The following XPO1 variants were observed in gnomAD, a reference collection of about 807,000 sequenced individuals.
XPO1 encodes exportin 1.
Under a neutral mutation model 133.3 loss-of-function variants are expected in XPO1, and 5 were observed. The observed-to-expected ratio is 0.04, with a 90% CI of 0.02 to 0.08. The LOEUF is 0.08. Ranked by LOEUF, XPO1 falls within the 10% of genes least tolerant of loss-of-function variation. The pLI, the probability that XPO1 is intolerant of heterozygous loss-of-function variation, is 1.00. For synonymous variants in XPO1, 419 were observed against 408.2 expected, an observed-to-expected ratio of 1.03 and a Z score of -0.32; for missense variants, 506 against 1,267.5, an observed-to-expected ratio of 0.40 and a Z score of 9.12.
intron 2 of XPO1, among the ~76,000 whole-genome samples, chr2:61,531,153 G>A (rs1380322142): frequency 6.6e-6 from 1 of 152,162 alleles, no homozygotes; most frequent in African/African-American, 2.4e-5. Flanking sequence ...GGTGGTAAAC[G>A]AAAAGTAGAC....
intron 20 of XPO1, chr2:61,485,473 A>ACCCCCCCCC (rs3041947): frequency 9.7e-6 from 1 of 103,552 alleles, no homozygotes; most frequent in Non-Finnish European, 2.0e-5. Flanking sequence ...GGCTCAAGTG[A>ACCCCCCCCC]CCCCCCCCCC....
At chr2:61,479,426 T>C (rs1193217088) in intron 24 of XPO1, among the ~76,000 whole-genome samples, 1 of 149,910 alleles carries the variant, frequency 6.7e-6, no homozygotes, top group Non-Finnish European at 1.5e-5. Flanking sequence ...CTCTCCAGCC[T>C]GGGTGATAAA....
chr2:61,492,576 A>T lies in XPO1; in HGVS notation c.1557T>A (p.Thr519=). ...CCTATCCCTTGCATACCTTTATAAC[A>T]GTAACAAGAAATCGTTTTTCGTCCT... ...HEEDEKRFLV[T]VIKDLLGLCE... is the part of the protein sequence containing the mutation. The change falls in exon 14 of 25, where the codon ACT becomes ACA. Residue 519 remains threonine (T), a synonymous_variant. Transcript: ENST00000401558. This position sits in a 1 kb window ranked among gnomAD's most constrained non-coding sequence, Gnocchi z 5.6. The T allele has an allele frequency of 6.2e-7, 1 of 1,612,202 alleles. No individual in the cohort carries two copies.
chr2:61,488,068 T>C (rs1696783840), intron 19 of XPO1, 97 bp downstream of exon 19: 1 of 1,007,030 alleles, frequency 9.9e-7, no homozygotes, highest in Non-Finnish European at 1.5e-6. Context: ...AAAGTTGATA[T>C]GCTTTAAATT....
intron 24 of XPO1, among the ~76,000 whole-genome samples, 189 bp from the exon 25 acceptor site, chr2:61,479,155 G>GT (rs904026685): frequency 6.6e-6 from 1 of 151,894 alleles, no homozygotes; most frequent in African/African-American, 2.4e-5. Flanking sequence ...CTGTTAACTG[G>GT]TGGGGGGGAA....
chr2:61,515,654 G>A (rs754801596), intron 4 of XPO1, among the ~76,000 whole-genome samples: 1 of 151,994 alleles, frequency 6.6e-6, no homozygotes, highest in Non-Finnish European at 1.5e-5. Flanking sequence ...CCAGTATTAC[G>A]GTGCCAATAA....
In XPO1 at chr2:61,502,258, A is replaced by G. The variant is rs751410234; in HGVS notation, c.354T>C (p.Thr118=). The part of the protein sequence containing the change: ...GLIIKTSSDP[T]CVEKEKVYIG... ...CAAAATAAACTCTTACCTCTACACA[A>G]GTTGGGTCAGATGACGTCTTGATAA... Residue 118 remains threonine (T), a synonymous_variant, in exon 5 of 25, where the codon ACT becomes ACC. Coordinates refer to ENST00000401558, the MANE Select transcript of XPO1 (RefSeq NM_003400.4). The G allele has an allele frequency of 2.0e-5, 33 of 1,613,214 alleles. No individual in the cohort carries two copies. The highest frequency in any genetic ancestry group is 2.7e-5 in the African/African-American group (2 of 74,898).
intron 1 of XPO1, chr2:61,537,138 G>A (rs1699388173): frequency 6.6e-6 from 1 of 152,046 alleles, no homozygotes; most frequent in Non-Finnish European, 1.5e-5. Context: ...CGTGATGCAG[G>A]CGGACGTTTC....
rs1402927044 is a variant in XPO1, at chr2:61,478,682, C to CA, written c.*137dup. 18 of 828,396 alleles carry CA rather than the reference C, an allele frequency of 2.2e-5. No homozygotes were observed. The highest frequency in any genetic ancestry group is 1.5e-4 in the South Asian group (6 of 40,186). The allele number at this position is 828,396 out of a possible 1,614,324, so 51.3% of individuals were successfully genotyped here. ...GATATTTCACAGAAAATTTCTTATACAAAAAAACACATAAGAAAAAGGGCC... is the reference window on the plus strand; with the variant it reads ...GATATTTCACAGAAAATTTCTTATACAAAAAAAACACATAAGAAAAAGGGCC... On this transcript the variant is annotated 3_prime_UTR_variant, in exon 25 of 25. Transcript: ENST00000401558.
At chr2:61,524,826 A>C (rs1333145169) in intron 3 of XPO1, among the ~76,000 whole-genome samples, 2 of 152,214 alleles carry the variant, frequency 1.3e-5, no homozygotes, top group African/African-American at 4.8e-5. Context: ...GTTGAGGCAG[A>C]AATGTCACTT....
chr2:61,518,413 ACAAAACACACACACACACAC>A (rs1459558529), intron 4 of XPO1, among the ~76,000 whole-genome samples: 12 of 97,454 alleles, frequency 1.2e-4, no homozygotes, highest in Admixed American at 3.6e-4. Context: ...AAAACAAAAA[ACAAAACACACACACACACAC>A]ACACACACAC....
chr2:61,482,613 T>TG lies in XPO1; in HGVS notation c.2813-75_2813-74insC. The TG allele has an allele frequency of 5.3e-5, 5 of 93,874 alleles. No homozygotes were observed. The African/African-American group carries it at 1.5e-3, about 28-fold the overall frequency. The allele number at this position is 93,874 out of a possible 1,614,324, so 5.8% of individuals were successfully genotyped here. ...GATCTTAGCGTTTTTTTTTGTTTTG[T>TG]TTTTTTTTTTTAGACGGAGTCTCGC... On this transcript the variant is annotated intron_variant, in intron 22 of 24. Transcript: ENST00000401558.
chr2:61,505,894 C>G (rs1558653959), intron 4 of XPO1, among the ~76,000 whole-genome samples: 3 of 152,160 alleles, frequency 2.0e-5, no homozygotes, highest in Non-Finnish European at 4.4e-5. Context: ...CTTCAAACTA[C>G]TTTCCATATG....
rs528442172 is a variant in XPO1 at position 61,478,657 on chromosome 2, G to C, written c.*163C>G. On this transcript the variant is annotated 3_prime_UTR_variant, in exon 25 of 25. Transcript: ENST00000401558. ...AAAACAAAAGCTTAAACAATGGAAG[G>C]ATATTTCACAGAAAATTTCTTATAC... The C allele has an allele frequency of 3.5e-5, 23 of 648,646 alleles. No individual in the cohort carries two copies. The highest frequency in any genetic ancestry group is 5.4e-5 in the Non-Finnish European group (22 of 408,496). The allele number at this position is 648,646 out of a possible 1,614,324, so 40.2% of individuals were successfully genotyped here.
At chr2:61,525,208 C>A in intron 3 of XPO1, 1 of 943,928 alleles carries the variant, frequency 1.1e-6, no homozygotes, top group Non-Finnish European at 1.3e-6. Context: ...CCCCTCCCAC[C>A]GCCCATGAAA....
chr2:61,498,521 C>G (rs1697350701), intron 9 of XPO1, 152 bp downstream of exon 9: 1 of 843,986 alleles, frequency 1.2e-6, no homozygotes. Flanking sequence ...AAATAATTTA[C>G]TAGGTGTGAA....
intron 24 of XPO1, chr2:61,480,234 A>G (rs1696274632): frequency 6.6e-6 from 1 of 151,834 alleles, no homozygotes; most frequent in Non-Finnish European, 1.5e-5. Context: ...CTGTCATTAA[A>G]TTAAGTTTAG....
At chr2:61,519,723 A>C (rs868764434) in intron 4 of XPO1, among the ~76,000 whole-genome samples, 5 of 144,404 alleles carry the variant, frequency 3.5e-5, no homozygotes, top group South Asian at 2.2e-4. Context: ...AAAAAAAAAA[A>C]CACCACGTAA....
At chr2:61,513,428 T>C (rs1368216504) in intron 4 of XPO1, among the ~76,000 whole-genome samples, 1 of 150,542 alleles carries the variant, frequency 6.6e-6, no homozygotes, top group African/African-American at 2.5e-5. Context: ...GGCAGTGGTG[T>C]GATCTAGGCT....
Sources: allele counts gnomAD v4.1 joint callset (sites outside exome capture counted in the v4.1 genomes callset), GRCh38; gene constraint gnomAD v4.1.1; non-coding constraint Gnocchi (gnomAD v3.1); transcripts MANE v1.5; gene names NCBI Gene and HGNC (gene_info 2026-07-23, HGNC 2026-07-21).